PARP6: variants seen among roughly 807,000 people sequenced by gnomAD.
PARP6 encodes poly(ADP-ribose) polymerase family member 6.
A neutral mutation model predicts 92.0 loss-of-function variants in PARP6; 27 were observed. The observed-to-expected ratio is 0.29, with a 90% confidence interval of 0.22 to 0.40. The LOEUF is 0.40. Ranked by LOEUF, PARP6 falls within the 10% of genes least tolerant of loss-of-function variation. The pLI, the probability that PARP6 is intolerant of heterozygous loss-of-function variation, is 1.00. For missense variants in PARP6, 501 were observed against 784.5 expected (o/e 0.64, Z 4.32); for synonymous variants, 272 against 281.2 (o/e 0.97, Z 0.33).
chr15:72,250,736 G>C (rs896752867), intron 18 of PARP6, 109 bp downstream of exon 18: 1 of 669,182 alleles, frequency 1.5e-6, no homozygotes, highest in African/African-American at 1.8e-5. Context: ...GTAAGTATCT[G>C]CTGACTGGTT....
At chr15:72,256,817 A>G (rs1005148332) in intron 13 of PARP6, among the ~76,000 whole-genome samples, 3 of 152,230 alleles carry the variant, frequency 2.0e-5, no homozygotes, top group African/African-American at 4.8e-5. Flanking sequence ...GCTAAGTACT[A>G]GTGAGTTTGA....
At chr15:72,261,794 G>A in intron 8 of PARP6, 87 bp from the exon 9 acceptor site, 2 of 1,283,526 alleles carry the variant, frequency 1.6e-6, no homozygotes, top group Admixed American at 3.6e-5. Flanking sequence ...CTAAAATTCA[G>A]ACCCAAGGAC....
intron 19 of PARP6, among the ~76,000 whole-genome samples, chr15:72,249,524 G>T (rs892687801): frequency 6.6e-6 from 1 of 152,228 alleles, no homozygotes; most frequent in Non-Finnish European, 1.5e-5. Context: ...TGACACATTC[G>T]AGAGTGGGAA....
At chr15:72,265,539 T>A in intron 5 of PARP6, 66 bp from the exon 6 acceptor site, 1 of 1,268,248 alleles carries the variant, frequency 7.9e-7, no homozygotes, top group Non-Finnish European at 1.2e-6. Context: ...AGAAACTGAG[T>A]TGGAAAGAGA....
Position 72,257,337 on chromosome 15 carries a change from C to A in PARP6, c.999+11G>T. On this transcript the variant is annotated intron_variant, in intron 13 of 23. Coordinates refer to ENST00000569795, the MANE Select transcript of PARP6 (RefSeq NM_001323532.2). ...ATCCCAATTCCCCAGCCACGTTTCC[C>A]TCCCCCATACCTCTGCTCCAGTGGC... The A allele has an allele frequency of 6.3e-7, 1 of 1,599,686 alleles. No homozygotes were observed. The highest frequency in any genetic ancestry group is 2.2e-5 in the East Asian group (1 of 44,802).
In PARP6 at chr15:72,242,506, A is replaced by T; in HGVS notation, c.1641+114T>A. 1.3e-6 allele frequency: 1 copy of T among 777,766 alleles called. No homozygotes were observed. Among genetic ancestry groups the T allele is most frequent in the Non-Finnish European group, 2.3e-6 (1 of 440,346 alleles). The allele number at this position is 777,766 out of a possible 1,614,324, so 48.2% of individuals were successfully genotyped here. A position where few individuals can be genotyped will look rare whatever the true frequency, so the allele number is the denominator to read the frequency against. On this transcript the variant is annotated intron_variant, in intron 21 of 23. Transcript: ENST00000569795. The surrounding 1 kb of genome is among the most constrained non-coding windows in gnomAD (Gnocchi z 4.3). ...ACTTTAGAACATACCTGACTCCTTT[A>T]AATGATCTCAAATCACTCCCCAACC...
At chr15:72,253,985 G>A (rs2140977834) in intron 15 of PARP6, 1 of 456,776 alleles carries the variant, frequency 2.2e-6, no homozygotes, top group African/African-American at 2.0e-5. Flanking sequence ...TATTCATGCA[G>A]AGATTGCAGA....
intron 13 of PARP6, among the ~76,000 whole-genome samples, chr15:72,257,076 A>C (rs944969845): frequency 2.0e-5 from 3 of 152,108 alleles, no homozygotes; most frequent in African/African-American, 7.2e-5. Context: ...TTTACTACAT[A>C]TGCTGTTGTA....
intron 1 of PARP6, among the ~76,000 whole-genome samples, chr15:72,272,018 G>A (rs12909590): frequency 0.039 from 5,961 of 152,276 alleles, 207 homozygotes; most frequent in African/African-American, 0.095. Context: ...TGGTCCTGGA[G>A]GAGGTTACTC....
rs532989738 is a variant in PARP6, at chr15:72,266,062, G to T, written c.82-71C>A. On this transcript the variant is annotated intron_variant, in intron 4 of 23. Coordinates refer to ENST00000569795, the MANE Select transcript of PARP6 (RefSeq NM_001323532.2). ...GAGGGAAAGAGAGAGATAATAAAAA[G>T]AATATGAAAAGACACCAGGAACAGG... 1.0e-5 allele frequency: 11 copies of T among 1,065,966 alleles called. No individual in the cohort carries two copies. In the East Asian group the frequency reaches 1.2e-4, roughly 12 times the overall value. 66.0% of individuals were successfully genotyped at this position (1,065,966 alleles called of 1,614,324 possible). A position where few individuals can be genotyped will look rare whatever the true frequency, so the allele number is the denominator to read the frequency against.
In PARP6 at chr15:72,242,026, A is replaced by C. The variant is rs780729301; in HGVS notation, c.1706-41T>G. ...CCAGAAATCATAGATACAATGCTTA[A>C]GGCACAGAGTCCAGGCAGGAGAAGG... On this transcript the variant is annotated intron_variant, in intron 22 of 23. Transcript: ENST00000569795. The surrounding 1 kb of genome is among the most constrained non-coding windows in gnomAD (Gnocchi z 4.3). 8 of 1,519,172 alleles carry C rather than the reference A, an allele frequency of 5.3e-6. No homozygotes were observed. The highest frequency in any genetic ancestry group is 9.1e-7 in the Non-Finnish European group (1 of 1,093,436). The allele number at this position is 1,519,172 out of a possible 1,614,324, so 94.1% of individuals were successfully genotyped here. A position where few individuals can be genotyped will look rare whatever the true frequency, so the allele number is the denominator to read the frequency against.
chr15:72,266,702 T>A (rs2086640286), intron 4 of PARP6, 43 bp downstream of exon 4: 1 of 1,422,144 alleles, frequency 7.0e-7, no homozygotes. Flanking sequence ...GCAGCACATA[T>A]CTAGACCATC....
chr15:72,260,354 A>C, intron 10 of PARP6, 124 bp downstream of exon 10: 1 of 734,838 alleles, frequency 1.4e-6, no homozygotes, highest in Non-Finnish European at 2.3e-6. Flanking sequence ...CTCATGGTAC[A>C]TACCTAGGTT....
chr15:72,251,442 G>A, intron 16 of PARP6, 187 bp from the exon 17 acceptor site: 3 of 459,428 alleles, frequency 6.5e-6, no homozygotes, highest in South Asian at 2.7e-5. Context: ...TGAATAAAAA[G>A]GTAAAAAGGA....
rs551811943 is a variant in PARP6, at chr15:72,259,728, C to A, written c.757-67G>T. The A allele has an allele frequency of 2.3e-5, 32 of 1,365,888 alleles. 1 individual carries two copies. In the South Asian group the frequency reaches 3.7e-4, roughly 16 times the overall value. The allele number at this position is 1,365,888 out of a possible 1,614,324, so 84.6% of individuals were successfully genotyped here. ...AGCTGGGGCCTAGACAGACCTGACT[C>A]TTGCCTATCACCTAGGACTCTCCTA... On this transcript the variant is annotated intron_variant, in intron 10 of 23. Coordinates refer to ENST00000569795, the MANE Select transcript of PARP6 (RefSeq NM_001323532.2).
intron 14 of PARP6, among the ~76,000 whole-genome samples, chr15:72,255,455 T>C (rs902682034): frequency 4.6e-5 from 7 of 152,052 alleles, no homozygotes; most frequent in African/African-American, 1.7e-4. Flanking sequence ...GGTTTCACCA[T>C]GTTGGCCAGG....
At chr15:72,265,859 T>A (rs1392100682) in intron 5 of PARP6, 38 bp downstream of exon 5, 1 of 1,357,790 alleles carries the variant, frequency 7.4e-7, no homozygotes, top group Non-Finnish European at 1.1e-6. Flanking sequence ...CAGAAAGAAG[T>A]GACTTGCTCC....
At chr15:72,249,430 T>G in intron 19 of PARP6, 116 bp from the exon 20 acceptor site, 1 of 580,342 alleles carries the variant, frequency 1.7e-6, no homozygotes, top group Non-Finnish European at 3.1e-6. Flanking sequence ...CTCATTCAAG[T>G]AACCCTAAGC....
At chr15:72,269,842 T>C (rs1369443250) in intron 2 of PARP6, among the ~76,000 whole-genome samples, 1 of 140,360 alleles carries the variant, frequency 7.1e-6, no homozygotes, top group Non-Finnish European at 1.5e-5. Context: ...GAGGTTGCAG[T>C]GAGCCAAGAC....
Sources: allele counts gnomAD v4.1 joint callset (sites outside exome capture counted in the v4.1 genomes callset), GRCh38; gene constraint gnomAD v4.1.1; non-coding constraint Gnocchi (gnomAD v3.1); transcripts MANE v1.5; gene names NCBI Gene and HGNC (gene_info 2026-07-23, HGNC 2026-07-21).